IRS2: variants seen among roughly 807,000 people sequenced by gnomAD.
IRS2 encodes insulin receptor substrate 2.
IRS2 carries 28 observed loss-of-function variants against 70.9 expected under a neutral mutation model. That is an observed-to-expected ratio of 0.39 (90% confidence interval 0.29 to 0.54). The LOEUF (loss-of-function observed/expected upper bound fraction) is 0.54, where lower values mean the gene tolerates loss of function less well. Ranked by LOEUF, IRS2 falls within the 20% of genes least tolerant of loss-of-function variation. The pLI is 0.59. For missense variants in IRS2, 2,081 were observed against 2,024.1 expected (o/e 1.03, Z -0.54); for synonymous variants, 1,217 against 981.9 (o/e 1.24, Z -4.48).
chr13:109,781,976 C>T, intron 1 of IRS2, 66 bp downstream of exon 1: 1 of 1,563,102 alleles, frequency 6.4e-7, no homozygotes, highest in Non-Finnish European at 8.7e-7. Flanking sequence ...GCAGTGAAAC[C>T]CAAGAGGCTC....
At position 109,786,091 on chromosome 13, in the gene IRS2, C is replaced by T; in HGVS notation, c.-38G>A. 1 of 1,027,970 alleles carries T rather than the reference C, an allele frequency of 9.7e-7. No homozygotes were observed. Among genetic ancestry groups the T allele is most frequent in the Non-Finnish European group, 1.2e-6 (1 of 862,800 alleles). The allele number at this position is 1,027,970 out of a possible 1,614,324, so 63.7% of individuals were successfully genotyped here. ...AGGCCGCGCGGCCCGGGCCCGGCGC[C>T]CAGGGGTTGGGGCGAGGGGCGGAGG... On this transcript the variant is annotated 5_prime_UTR_variant, in exon 1 of 2. Transcript: ENST00000375856. This position sits in a 1 kb window ranked among gnomAD's most constrained non-coding sequence, Gnocchi z 4.4.
rs2138929725 is a variant in IRS2, at chr13:109,782,441, G to A, written c.3613C>T (p.Arg1205Ter). The A allele has an allele frequency of 2.5e-6, 4 of 1,583,012 alleles. No homozygotes were observed. The highest frequency in any genetic ancestry group is 3.4e-6 in the Non-Finnish European group (4 of 1,164,408). The change falls in exon 1 of 2, where the codon CGA becomes TGA. Residue 1205 changes from arginine to a stop codon, truncating the protein, a stop_gained. Transcript: ENST00000375856. LOFTEE classifies it high-confidence loss of function. ...GGGDEPPTSP[R>*]QLQPAPPLAP... is the part of the protein sequence containing the mutation. ...AAAGGGGGCGCCGGCTGCAACTGTC[G>A]TGGGGAGGTGGGCGGCTCGTCGCCC...
At chr13:109,776,819 G>C (rs2138924554) in intron 1 of IRS2, among the ~76,000 whole-genome samples, 1 of 152,272 alleles carries the variant, frequency 6.6e-6, no homozygotes, top group East Asian at 1.9e-4. Context: ...TAATCTACCT[G>C]AAATGAGTCA....
At position 109,761,131 on chromosome 13, in the gene IRS2, C is replaced by T. The variant is rs564235898; in HGVS notation, c.4013-4823G>A. Among the ~76,000 whole-genome samples the T allele has an allele frequency of 2.6e-5, 4 of 152,296 alleles. No homozygotes were observed. In the East Asian group the frequency reaches 7.7e-4, roughly 29 times the overall value. On this transcript the variant is annotated intron_variant, in intron 1 of 1. Coordinates refer to ENST00000375856, the MANE Select transcript of IRS2 (RefSeq NM_003749.3). ...ACACCTGGGTCGTGGCAGCTCTGCC[C>T]AGGGAGGCCCCGGTCCTCTCTGCAG...
intron 1 of IRS2, among the ~76,000 whole-genome samples, chr13:109,766,583 C>G (rs1242261255): frequency 1.5e-5 from 1 of 65,412 alleles, no homozygotes; most frequent in African/African-American, 4.0e-5. Flanking sequence ...AACTCCCCAC[C>G]AAGCATGTAG....
intron 1 of IRS2, among the ~76,000 whole-genome samples, chr13:109,761,410 C>G (rs1364522601): frequency 6.6e-6 from 1 of 152,114 alleles, no homozygotes; most frequent in Non-Finnish European, 1.5e-5. Flanking sequence ...GCAAGGAAAC[C>G]TTCCATGAGC....
At position 109,783,183 on chromosome 13, in the gene IRS2, C is replaced by T. The variant is rs1306738992; in HGVS notation, c.2871G>A (p.Ser957=). Residue 957 remains serine (S), a synonymous_variant, in exon 1 of 2, where the codon TCG becomes TCA. Coordinates refer to ENST00000375856, the MANE Select transcript of IRS2 (RefSeq NM_003749.3). ...TGGTGCCCGGGGTGCCTGAGCCCAG[C>T]GACGAGGCCGGGCTGCTGGCGGACA... is the stretch of plus-strand genomic sequence containing the variant. ...SLLSASSPAS[S]LGSGTPGTSS... is the part of the protein sequence containing the mutation. 4 of 1,383,960 alleles carry T rather than the reference C, an allele frequency of 2.9e-6. No individual in the cohort carries two copies. Among genetic ancestry groups the T allele is most frequent in the East Asian group, 6.0e-5 (2 of 33,506 alleles). 85.7% of individuals were successfully genotyped at this position (1,383,960 alleles called of 1,614,324 possible).
intron 1 of IRS2, among the ~76,000 whole-genome samples, chr13:109,764,187 T>C (rs1429100901): frequency 6.6e-6 from 1 of 152,244 alleles, no homozygotes; most frequent in Non-Finnish European, 1.5e-5. Context: ...TGCTCTTCCC[T>C]GGGAGCCTAG....
intron 1 of IRS2, among the ~76,000 whole-genome samples, chr13:109,774,999 C>T (rs1019564857): frequency 2.0e-5 from 3 of 151,896 alleles, no homozygotes; most frequent in African/African-American, 4.8e-5. Flanking sequence ...ATCTGTTACA[C>T]TTATACTTTG....
At position 109,755,147 on chromosome 13, in the gene IRS2, C is replaced by T. The variant is rs1877074204; in HGVS notation, c.*1157G>A. The T allele has an allele frequency of 4.3e-6, 1 of 230,788 alleles. No individual in the cohort carries two copies. The highest frequency in any genetic ancestry group is 8.5e-6 in the Non-Finnish European group (1 of 117,260). 14.3% of individuals were successfully genotyped at this position (230,788 alleles called of 1,614,324 possible). On this transcript the variant is annotated 3_prime_UTR_variant, in exon 2 of 2. Transcript: ENST00000375856. ...TAACATGTACTGCGAGATTGCTTTT[C>T]TTCTTTTTCTTTTTCCATCAATAAC...
At position 109,785,969 on chromosome 13, in the gene IRS2, G is replaced by GGTTGTTGTTGTT. The variant is rs532810290; in HGVS notation, c.73_84dup (p.Asn25_Asn28dup). 6.0e-6 allele frequency: 9 copies of GGTTGTTGTTGTT among 1,491,030 alleles called. No individual in the cohort carries two copies. The highest frequency in any genetic ancestry group is 7.1e-6 in the Non-Finnish European group (8 of 1,126,230). The allele number at this position is 1,491,030 out of a possible 1,614,324, so 92.4% of individuals were successfully genotyped here. ...AGGTAGCCGCACTTGCGCACGCTGT[G>GGTTGTTGTTGTT]GTTGTTGTTGTTGTTGTTGTTGTTG... On this transcript the variant is annotated inframe_insertion, in exon 1 of 2. Transcript: ENST00000375856. This position sits in a 1 kb window ranked among gnomAD's most constrained non-coding sequence, Gnocchi z 9.3.
chr13:109,778,422 G>A (rs145349335), intron 1 of IRS2, among the ~76,000 whole-genome samples: 4 of 152,276 alleles, frequency 2.6e-5, no homozygotes, highest in Admixed American at 6.5e-5. Context: ...ACGAAAGCCG[G>A]TGTGTGTTTT....
intron 1 of IRS2, among the ~76,000 whole-genome samples, chr13:109,760,462 G>A (rs997834630): frequency 1.3e-5 from 2 of 152,188 alleles, no homozygotes; most frequent in Non-Finnish European, 1.5e-5. Context: ...ATCCACAGAC[G>A]TATCCACGTA....
chr13:109,785,498 G>T lies in IRS2; in HGVS notation c.556C>A (p.Leu186Met), dbSNP rs1350108960. 1 of 1,610,932 alleles carries T rather than the reference G, an allele frequency of 6.2e-7. No individual in the cohort carries two copies. The highest frequency in any genetic ancestry group is 1.1e-5 in the South Asian group (1 of 91,020). Residue 186 changes from leucine to methionine, a missense_variant, in exon 1 of 2, where the codon CTG becomes ATG. Physicochemically the swap from Leu to Met is conservative, Grantham distance 15. Coordinates refer to ENST00000375856, the MANE Select transcript of IRS2 (RefSeq NM_003749.3). The surrounding 1 kb of genome is among the most constrained non-coding windows in gnomAD (Gnocchi z 9.3). ...GAAGAEDSYG[L>M]VAPATAAYRE... ...TAGGCGGCCGTGGCGGGAGCCACCAGCCCGTAGCTGTCCTCGGCCCCGGCG... is the reference window on the plus strand; with the variant it reads ...TAGGCGGCCGTGGCGGGAGCCACCATCCCGTAGCTGTCCTCGGCCCCGGCG...
Position 109,783,101 on chromosome 13 carries a change from A to C in IRS2, c.2953T>G (p.Ser985Ala). Reference protein sequence around the residue: ...LSDYMNLDFSSPKSPKPGAPS... With the variant: ...LSDYMNLDFSAPKSPKPGAPS... ...GCGCCCGGCTTAGGAGACTTGGGGG[A>C]GCTGAAGTCGAGGTTCATGTAGTCG... Residue 985 changes from serine to alanine, a missense_variant, in exon 1 of 2, where the codon TCC becomes GCC. By Grantham distance (99) the Ser-to-Ala change is moderately conservative. Around this residue, in one of 4 missense-constraint regions of IRS2, gnomAD observed 1,615 missense variants for 1,459.5 expected, o/e 1.11. Transcript: ENST00000375856. 1 of 1,390,188 alleles carries C rather than the reference A, an allele frequency of 7.2e-7. No individual in the cohort carries two copies. The highest frequency in any genetic ancestry group is 9.3e-7 in the Non-Finnish European group (1 of 1,078,892). The allele number at this position is 1,390,188 out of a possible 1,614,324, so 86.1% of individuals were successfully genotyped here.
At chr13:109,764,827 ACAATGG>A (rs1052347930) in intron 1 of IRS2, among the ~76,000 whole-genome samples, 3 of 152,280 alleles carry the variant, frequency 2.0e-5, no homozygotes, top group Non-Finnish European at 4.4e-5. Context: ...ATGCACAAAA[ACAATGG>A]CAAATTGCTC....
chr13:109,772,548 T>C (rs1273781532), intron 1 of IRS2, among the ~76,000 whole-genome samples: 1 of 152,076 alleles, frequency 6.6e-6, no homozygotes, highest in Non-Finnish European at 1.5e-5. Flanking sequence ...CACCTGCTGT[T>C]TGGTGGGTCA....
chr13:109,778,744 C>CA (rs1284727050), intron 1 of IRS2, among the ~76,000 whole-genome samples: 10 of 152,266 alleles, frequency 6.6e-5, no homozygotes, highest in Admixed American at 5.2e-4. Flanking sequence ...TGGATACTTT[C>CA]AGTAGTAATT....
At chr13:109,776,576 G>A (rs9559654) in intron 1 of IRS2, among the ~76,000 whole-genome samples, 46,178 of 152,140 alleles carry the variant, frequency 0.3, 7,122 homozygotes, top group Middle Eastern at 0.45. Flanking sequence ...GAAGCATCTT[G>A]CATTATTTGC....
Sources: allele counts gnomAD v4.1 joint callset (sites outside exome capture counted in the v4.1 genomes callset), GRCh38; gene constraint gnomAD v4.1.1; regional missense constraint gnomAD v4.1.1; non-coding constraint Gnocchi (gnomAD v3.1); transcripts MANE v1.5; gene names NCBI Gene and HGNC (gene_info 2026-07-23, HGNC 2026-07-21).